Variants in ZSCAN5A observed in about 807,000 individuals in gnomAD.
ZSCAN5A encodes the protein zinc finger and SCAN domain-containing protein 5A.
A neutral mutation model predicts 23.7 loss-of-function variants in ZSCAN5A; 12 were observed. The ratio of observed to expected loss-of-function variants is 0.51; its 90% CI spans 0.32 to 0.82. The LOEUF (loss-of-function observed/expected upper bound fraction) is 0.82. Among genes scored for constraint, ZSCAN5A ranks in the 40% least tolerant of loss-of-function variants. The probability of loss-of-function intolerance (pLI) is 0.03; values close to 1 mark genes in which losing one functional copy is unlikely to be tolerated. For missense variants in ZSCAN5A, 597 were observed against 617.9 expected, an observed-to-expected ratio of 0.97 and a Z score of 0.36; for synonymous variants, 257 against 239.9, an observed-to-expected ratio of 1.07 and a Z score of -0.66.
In ZSCAN5A at chr19:56,257,997, C is replaced by T. The variant is rs1293651336; in HGVS notation, c.-127-32824G>A. Among the ~76,000 whole-genome samples, 3 of 111,494 alleles carry T rather than the reference C, an allele frequency of 2.7e-5. No individual in the cohort carries two copies. The East Asian group carries it at 7.4e-4, about 28-fold the overall frequency. 73.1% of individuals were successfully genotyped at this position (111,494 alleles called of 152,430 possible). ...CTTCTTAGACACAGGCGCCGGGAGA[C>T]TGCAAGCCTTTCACACCTGGCTCCT... On this transcript the variant is annotated intron_variant, in intron 2 of 5. Transcript: ENST00000683990.
intron 2 of ZSCAN5A, among the ~76,000 whole-genome samples, chr19:56,270,716 T>C (rs1016905384): frequency 6.7e-6 from 1 of 150,302 alleles, no homozygotes; most frequent in Non-Finnish European, 1.5e-5. Context: ...CACTAAAAGC[T>C]CATCACTTCC....
intron 2 of ZSCAN5A, chr19:56,228,393 G>A: frequency 2.0e-6 from 2 of 985,368 alleles, no homozygotes; most frequent in Non-Finnish European, 2.4e-6. Flanking sequence ...GATTGGTTTA[G>A]GGCCATAGAG....
At position 56,351,989 on chromosome 19, in the gene ZSCAN5A, G is replaced by A. The variant is rs8109555; in HGVS notation, c.-358+11246C>T. Among the ~76,000 whole-genome samples the A allele has an allele frequency of 0.89, 134,788 of 152,262 alleles. 60,057 individuals carry two copies. Among genetic ancestry groups the A allele is most frequent in the East Asian group, 1 (5,184 of 5,190 alleles). On this transcript the variant is annotated intron_variant, in intron 2 of 6. Transcript: ENST00000587340. The surrounding 1 kb of genome is among the most constrained non-coding windows in gnomAD (Gnocchi z 4.8). ...ACACTTTCTTACCCAAAGTCAGGTA[G>A]GGAAGTGGGACCCGAAACTCAGGAA...
At chr19:56,275,273 G>C (rs1600155243) in intron 2 of ZSCAN5A, among the ~76,000 whole-genome samples, 1 of 152,162 alleles carries the variant, frequency 6.6e-6, no homozygotes, top group East Asian at 1.9e-4. Context: ...TGTGGATCTT[G>C]CTGCAGAAAT....
intron 5 of ZSCAN5A, 120 bp downstream of exon 5, chr19:56,222,471 G>C: frequency 6.5e-7 from 1 of 1,549,326 alleles, no homozygotes; most frequent in Non-Finnish European, 8.7e-7. Flanking sequence ...GGAAAGTAGA[G>C]GATGGGGAGG....
upstream of ZSCAN5A, chr19:56,317,485 C>T (rs1360816917): frequency 6.6e-6 from 1 of 152,292 alleles, no homozygotes; most frequent in East Asian, 1.9e-4. Flanking sequence ...AATGATGTAG[C>T]CAGGCATGAA....
chr19:56,320,060 C>A (rs1195258455), intron 2 of ZSCAN5A: 1 of 786,676 alleles, frequency 1.3e-6, no homozygotes, highest in Non-Finnish European at 2.3e-6. Flanking sequence ...ATCAGACTTA[C>A]AAAATCTCTT....
rs529255969 is a variant in ZSCAN5A, at chr19:56,242,697, C to T, written c.-127-17524G>A. 9.8e-5 allele frequency among the ~76,000 whole-genome samples: 15 copies of T among 152,364 alleles called. No individual in the cohort carries two copies. In the South Asian group the frequency reaches 2.7e-3, roughly 27 times the overall value. ...CACAGCTGTTGAACTTGGATAATAA[C>T]TGATGCCTGGAGAGTATCACACAGT... On this transcript the variant is annotated intron_variant, in intron 2 of 5. Coordinates refer to ENST00000683990, the MANE Select transcript of ZSCAN5A (RefSeq NM_001322064.3).
chr19:56,247,611 T>C (rs10405301), intron 2 of ZSCAN5A: 7,513 of 155,010 alleles, frequency 0.048, 215 homozygotes, highest in Non-Finnish European at 0.061. Context: ...AAATATTCAT[T>C]CTCCCCACAG....
At chr19:56,257,694 A>C (rs2036804909) in intron 2 of ZSCAN5A, among the ~76,000 whole-genome samples, 1 of 126,004 alleles carries the variant, frequency 7.9e-6, no homozygotes, top group African/African-American at 3.1e-5. Context: ...TCTTAGACAC[A>C]GGCGCCGGGG....
At chr19:56,322,318 G>A in intron 2 of ZSCAN5A, 1 of 878,928 alleles carries the variant, frequency 1.1e-6, no homozygotes, top group South Asian at 1.3e-5. Context: ...CCATTTCTTA[G>A]CCTGAGGACT....
At chr19:56,251,143 C>G (rs943471051) in intron 2 of ZSCAN5A, among the ~76,000 whole-genome samples, 4 of 131,518 alleles carry the variant, frequency 3.0e-5, no homozygotes, top group African/African-American at 5.5e-5. Flanking sequence ...GAGCTAGACT[C>G]CGTGTAAAAA....
At chr19:56,332,745 A>G (rs954294355) in intron 2 of ZSCAN5A, among the ~76,000 whole-genome samples, 1 of 152,212 alleles carries the variant, frequency 6.6e-6, no homozygotes, top group Non-Finnish European at 1.5e-5. Flanking sequence ...TGGTTGCTTT[A>G]TAGGATCTGA....
At chr19:56,245,320 G>T in intron 2 of ZSCAN5A, 1 of 747,146 alleles carries the variant, frequency 1.3e-6, no homozygotes, top group Non-Finnish European at 2.5e-6. Flanking sequence ...CGAGAGGCGT[G>T]TCCAGCCAGC....
chr19:56,243,901 CTCATGTTTTTTTTTGCAGACT>C, intron 2 of ZSCAN5A: 1 of 505,104 alleles, frequency 2.0e-6, no homozygotes, highest in South Asian at 3.2e-5. Context: ...TTTGATCGGG[CTCATGTTTTTTTTTGCAGACT>C]TCTGAACAGT....
At chr19:56,291,888 T>C (rs963593044) in intron 2 of ZSCAN5A, among the ~76,000 whole-genome samples, 3 of 152,138 alleles carry the variant, frequency 2.0e-5, no homozygotes, top group Non-Finnish European at 4.4e-5. Context: ...TGATGGAAAT[T>C]TACAAAGAGC....
chr19:56,241,872 C>A (rs879012093), intron 2 of ZSCAN5A, among the ~76,000 whole-genome samples: 2 of 151,952 alleles, frequency 1.3e-5, no homozygotes, highest in Admixed American at 1.3e-4. Flanking sequence ...TCGCTGGGTG[C>A]CTGTGCAGAT....
chr19:56,302,071 C>T (rs940011720), intron 2 of ZSCAN5A: 53 of 1,231,624 alleles, frequency 4.3e-5, no homozygotes, highest in Middle Eastern at 3.1e-4. Flanking sequence ...CCTACCTCTT[C>T]GTATCCTACA....
chr19:56,324,068 T>C (rs745395889), intron 2 of ZSCAN5A, among the ~76,000 whole-genome samples: 3 of 152,160 alleles, frequency 2.0e-5, no homozygotes, highest in Non-Finnish European at 2.9e-5. Context: ...TACTGAACAG[T>C]AGATCTTATT....
Sources: gnomAD v4.1 joint callset for allele counts (sites outside exome capture counted in the v4.1 genomes callset) on GRCh38, gnomAD v4.1.1 for gene constraint, Gnocchi (gnomAD v3.1) non-coding constraint, MANE v1.5 for transcripts, NCBI Gene and HGNC (gene_info 2026-07-23, HGNC 2026-07-21) for gene names.